NLRC5: variants seen among roughly 807,000 people sequenced by gnomAD.
NLRC5 encodes the protein protein NLRC5.
A neutral mutation model predicts 206.9 loss-of-function variants in NLRC5; 114 were observed. The ratio of observed to expected loss-of-function variants is 0.55; its 90% CI spans 0.47 to 0.64. The LOEUF (loss-of-function observed/expected upper bound fraction) is 0.64. Ranked by LOEUF, NLRC5 falls within the 30% of genes least tolerant of loss-of-function variation. NLRC5 has a pLI of 0.00. For missense variants in NLRC5, 2,008 were observed against 2,305.5 expected, an observed-to-expected ratio of 0.87 and a Z score of 2.64; for synonymous variants, 952 against 962.8, an observed-to-expected ratio of 0.99 and a Z score of 0.21.
chr16:57,031,710 C>T (rs1354597655), intron 11 of NLRC5, among the ~76,000 whole-genome samples: 2 of 148,542 alleles, frequency 1.3e-5, no homozygotes, highest in Non-Finnish European at 3.0e-5. Flanking sequence ...GAAGGCAAAC[C>T]CTTGGGGAGA....
At chr16:57,049,508 T>G (rs1411116832) in intron 23 of NLRC5, among the ~76,000 whole-genome samples, 3 of 151,890 alleles carry the variant, frequency 2.0e-5, no homozygotes, top group African/African-American at 7.3e-5. Flanking sequence ...GAGGCCGAGG[T>G]GGCTGGATCA....
intron 16 of NLRC5, among the ~76,000 whole-genome samples, chr16:57,040,078 T>C (rs1050366630): frequency 2.6e-5 from 4 of 152,186 alleles, no homozygotes; most frequent in Admixed American, 2.0e-4. Context: ...GTGTGTAGGA[T>C]ATAGACAGCA....
intron 32 of NLRC5, among the ~76,000 whole-genome samples, chr16:57,064,188 A>G (rs1245831756): frequency 6.6e-6 from 1 of 151,934 alleles, no homozygotes; most frequent in Non-Finnish European, 1.5e-5. Context: ...ACAACATGGC[A>G]AAACCCCATA....
At chr16:56,999,410 T>C (rs1164530996) in intron 1 of NLRC5, among the ~76,000 whole-genome samples, 1 of 152,218 alleles carries the variant, frequency 6.6e-6, no homozygotes, top group Non-Finnish European at 1.5e-5. Context: ...GGCAAACCAC[T>C]TCCCAGCCTG....
rs1473993851 is a variant in NLRC5 at position 57,061,713 on chromosome 16, C to G, written c.4154+12C>G. 12 of 1,595,946 alleles carry G rather than the reference C, an allele frequency of 7.5e-6. No homozygotes were observed. Among genetic ancestry groups the G allele is most frequent in the Non-Finnish European group, 9.4e-6 (11 of 1,173,834 alleles). On this transcript the variant is annotated intron_variant, in intron 32 of 48. Coordinates refer to ENST00000688547, the MANE Select transcript of NLRC5 (RefSeq NM_001384950.1). The stretch of plus-strand genomic sequence containing the variant: ...CTGTTCAGCCTCAGGTACCTCCTCC[C>G]CCGCTGCCTCCGGGAGGGGCCATGG...
intron 1 of NLRC5, among the ~76,000 whole-genome samples, chr16:56,991,312 A>G (rs1473165516): frequency 6.6e-6 from 1 of 150,930 alleles, no homozygotes; most frequent in Non-Finnish European, 1.5e-5. Flanking sequence ...AGACCCCAAC[A>G]CACATACCCT....
At chr16:57,032,640 G>T (rs574214765) in intron 11 of NLRC5, among the ~76,000 whole-genome samples, 7 of 152,004 alleles carry the variant, frequency 4.6e-5, no homozygotes, top group African/African-American at 7.3e-5. Context: ...AGTGGCCATA[G>T]GTGGCTAGTG....
intron 1 of NLRC5, among the ~76,000 whole-genome samples, chr16:57,011,683 T>C (rs984395648): frequency 2.1e-4 from 31 of 149,902 alleles, no homozygotes; most frequent in Non-Finnish European, 3.5e-4. Context: ...ATTGCACCAC[T>C]GCACTCCAGC....
chr16:57,021,400 C>T (rs2060656737), intron 3 of NLRC5, among the ~76,000 whole-genome samples: 1 of 152,098 alleles, frequency 6.6e-6, no homozygotes, highest in African/African-American at 2.4e-5. Flanking sequence ...GCTCTGTTGC[C>T]TAGGCTGGAG....
chr16:57,019,339 G>A (rs1212578729), intron 2 of NLRC5, among the ~76,000 whole-genome samples: 1 of 152,170 alleles, frequency 6.6e-6, no homozygotes, highest in African/African-American at 2.4e-5. Context: ...GGAGGCTGCA[G>A]TGAGCCGAGA....
At chr16:57,024,207 A>T (rs911499179) in intron 5 of NLRC5, among the ~76,000 whole-genome samples, 3 of 152,064 alleles carry the variant, frequency 2.0e-5, no homozygotes, top group Non-Finnish European at 2.9e-5. Flanking sequence ...TTTGGGGGTG[A>T]GCAGGGATGG....
intron 1 of NLRC5, among the ~76,000 whole-genome samples, chr16:57,003,123 G>C (rs1458645840): frequency 6.6e-6 from 1 of 152,118 alleles, no homozygotes; most frequent in Non-Finnish European, 1.5e-5. Context: ...GCAGTGGCGT[G>C]ATCTCAGCTC....
chr16:57,040,246 C>G (rs1471345774), intron 16 of NLRC5, among the ~76,000 whole-genome samples: 1 of 152,220 alleles, frequency 6.6e-6, no homozygotes, highest in South Asian at 2.1e-4. Flanking sequence ...TTGCCCCAGC[C>G]TAGCGCATGG....
chr16:57,017,230 C>T (rs1264474513), intron 2 of NLRC5, 42 bp downstream of exon 2: 1 of 152,716 alleles, frequency 6.5e-6, no homozygotes, highest in Non-Finnish European at 1.5e-5. Flanking sequence ...CTTTTCCCCT[C>T]CTATCTACTT....
At chr16:57,042,787 C>T (rs991207193) in intron 19 of NLRC5, among the ~76,000 whole-genome samples, 9 of 152,182 alleles carry the variant, frequency 5.9e-5, no homozygotes, top group Non-Finnish European at 7.4e-5. Flanking sequence ...GGCGTGGCCT[C>T]TGTTGGTGGC....
chr16:57,058,522 G>A, intron 28 of NLRC5: 2 of 331,484 alleles, frequency 6.0e-6, no homozygotes, highest in Non-Finnish European at 1.1e-5. Context: ...GACCCAATCT[G>A]TGGAACATAA....
At chr16:57,005,743 A>G (rs2058823814) in intron 1 of NLRC5, among the ~76,000 whole-genome samples, 1 of 151,912 alleles carries the variant, frequency 6.6e-6, no homozygotes, top group Non-Finnish European at 1.5e-5. Context: ...AGATGGCAAA[A>G]CCCCATCTCT....
intron 32 of NLRC5, chr16:57,062,020 A>G (rs1391029318): frequency 4.9e-6 from 7 of 1,415,962 alleles, no homozygotes; most frequent in East Asian, 3.3e-5. Flanking sequence ...TCTGTTCACT[A>G]TGATCATTTT....
intron 22 of NLRC5, among the ~76,000 whole-genome samples, chr16:57,047,206 A>C (rs554430617): frequency 1.3e-5 from 2 of 152,296 alleles, no homozygotes; most frequent in South Asian, 4.1e-4. Context: ...TGTGGGGCAG[A>C]GAGGGATTAA....
Sources: gnomAD v4.1 joint callset for allele counts (sites outside exome capture counted in the v4.1 genomes callset) on GRCh38, gnomAD v4.1.1 for gene constraint, MANE v1.5 for transcripts, NCBI Gene and HGNC (gene_info 2026-07-23, HGNC 2026-07-21) for gene names.